The following NXN variants were observed in gnomAD, a reference collection of about 807,000 sequenced individuals.
NXN encodes nucleoredoxin, also known as nucleoredoxin 1.
Under a neutral mutation model 48.6 loss-of-function variants are expected in NXN, and 16 were observed. That is an observed-to-expected ratio of 0.33 (90% CI 0.22 to 0.50). NXN has a LOEUF of 0.50. NXN is among the 20% of genes least tolerant of loss of function. The pLI is 0.98. For missense variants in NXN, 492 were observed against 605.5 expected, an observed-to-expected ratio of 0.81 and a Z score of 1.97; for synonymous variants, 281 against 269.6, an observed-to-expected ratio of 1.04 and a Z score of -0.41.
intron 1 of NXN, among the ~76,000 whole-genome samples, chr17:847,667 G>A (rs987890136): frequency 5.9e-5 from 9 of 151,856 alleles, no homozygotes; most frequent in African/African-American, 1.9e-4. Flanking sequence ...ATATAGAAAC[G>A]GACTGTGGCT....
Position 976,671 on chromosome 17 carries a change from G to C in NXN, c.360+2648C>G, listed in dbSNP as rs951828116. The stretch of plus-strand genomic sequence containing the variant: ...GGGGAAATTAGCATCATTAGCTCAC[G>C]GGCTTCTAAGCACCCTAACTTCAAA... On this transcript the variant is annotated intron_variant, in intron 1 of 7. Transcript: ENST00000336868. Among the ~76,000 whole-genome samples the C allele has an allele frequency of 2.6e-5, 4 of 152,238 alleles. No homozygotes were observed. In the East Asian group the frequency reaches 7.7e-4, roughly 29 times the overall value.
chr17:957,629 C>A (rs2069186945), intron 1 of NXN, among the ~76,000 whole-genome samples: 1 of 119,856 alleles, frequency 8.3e-6, no homozygotes, highest in African/African-American at 3.2e-5. Context: ...AAGACTCCAT[C>A]TCAAAAAAAA....
Position 978,447 on chromosome 17 carries a change from C to T in NXN, c.360+872G>A, listed in dbSNP as rs747649314. On this transcript the variant is annotated intron_variant, in intron 1 of 7. Coordinates refer to ENST00000336868, the MANE Select transcript of NXN (RefSeq NM_022463.5). The surrounding 1 kb of genome is among the most constrained non-coding windows in gnomAD (Gnocchi z 4.1). ...AAAGTATCCATTTCCCCAAATCCTC[C>T]TTCTTCCAGTCAATGTGCATCGATG... is the stretch of plus-strand genomic sequence containing the variant. 2.0e-5 allele frequency: 3 copies of T among 152,414 alleles called. No homozygotes were observed. The highest frequency in any genetic ancestry group is 4.4e-5 in the Non-Finnish European group (3 of 68,170). The allele number at this position is 152,414 out of a possible 1,614,324, so 9.4% of individuals were successfully genotyped here.
intron 1 of NXN, among the ~76,000 whole-genome samples, chr17:938,489 A>G (rs8069404): frequency 0.35 from 53,367 of 151,758 alleles, 9,573 homozygotes; most frequent in African/African-American, 0.41. Flanking sequence ...AGATCAGCCC[A>G]GCCAACATGG....
At chr17:913,667 A>C (rs1245004915) in intron 1 of NXN, among the ~76,000 whole-genome samples, 1 of 147,288 alleles carries the variant, frequency 6.8e-6, no homozygotes. Context: ...ACCTACCCCC[A>C]CGTCCCCAGG....
intron 1 of NXN, among the ~76,000 whole-genome samples, chr17:972,171 A>G (rs1039134160): frequency 6.6e-5 from 10 of 151,892 alleles, no homozygotes; most frequent in East Asian, 1.9e-4. Context: ...GTGGTGGCAC[A>G]TGCGCCTATA....
chr17:821,034 G>A lies in NXN; in HGVS notation c.713+1323C>T, dbSNP rs1597628643. Among the ~76,000 whole-genome samples, 2 of 72,058 alleles carry A rather than the reference G, an allele frequency of 2.8e-5. 1 individual carries two copies. The highest frequency in any genetic ancestry group is 9.0e-4 in the East Asian group (2 of 2,224). The allele number at this position is 72,058 out of a possible 152,430, so 47.3% of individuals were successfully genotyped here. On this transcript the variant is annotated intron_variant, in intron 4 of 7. Transcript: ENST00000336868. ...ACGGGAGCTGTGGCATGGCAGAGAC[G>A]GGGAGCTGCGGCACGGCAGAGACGG...
intron 1 of NXN, among the ~76,000 whole-genome samples, chr17:953,517 G>C (rs1178593191): frequency 6.6e-6 from 1 of 152,222 alleles, no homozygotes; most frequent in Admixed American, 6.5e-5. Context: ...AGGAACAGGA[G>C]AAACATTTTT....
intron 5 of NXN, among the ~76,000 whole-genome samples, chr17:811,378 C>T (rs1400062794): frequency 6.6e-6 from 1 of 152,350 alleles, no homozygotes; most frequent in Non-Finnish European, 1.5e-5. Context: ...CCCTGGCAGC[C>T]GAGGATGACT....
chr17:923,834 C>CA (rs2068771186), intron 1 of NXN, among the ~76,000 whole-genome samples: 1 of 151,984 alleles, frequency 6.6e-6, no homozygotes, highest in African/African-American at 2.4e-5. Flanking sequence ...AAACATCAAG[C>CA]AAGAGTGAAG....
At chr17:957,204 G>A (rs554274052) in intron 1 of NXN, among the ~76,000 whole-genome samples, 73 of 152,136 alleles carry the variant, frequency 4.8e-4, no homozygotes, top group African/African-American at 1.4e-3. Context: ...GCTTGAGAGC[G>A]TCCTCATCCC....
At chr17:967,107 C>T (rs892812545) in intron 1 of NXN, among the ~76,000 whole-genome samples, 23 of 151,792 alleles carry the variant, frequency 1.5e-4, no homozygotes, top group African/African-American at 5.6e-4. Flanking sequence ...TGACAAGCCC[C>T]CCCACAGCCC....
intron 1 of NXN, among the ~76,000 whole-genome samples, chr17:829,109 A>T (rs1008163727): frequency 3.3e-5 from 5 of 151,432 alleles, no homozygotes; most frequent in African/African-American, 4.9e-5. Flanking sequence ...CGCTAGGGGG[A>T]AAAAATGACA....
chr17:844,809 T>TCTTG (rs908577406), intron 1 of NXN, among the ~76,000 whole-genome samples: 1 of 152,054 alleles, frequency 6.6e-6, no homozygotes, highest in Non-Finnish European at 1.5e-5. Context: ...GGTCTCAAGC[T>TCTTG]CTTGACCTTG....
At chr17:840,645 C>T in intron 1 of NXN, among the ~76,000 whole-genome samples, 1 of 152,288 alleles carries the variant, frequency 6.6e-6, no homozygotes, top group South Asian at 2.1e-4. Flanking sequence ...GGCCGGCGTG[C>T]AGACTTCTTA....
At chr17:941,360 G>A (rs1162866468) in intron 1 of NXN, among the ~76,000 whole-genome samples, 1 of 148,316 alleles carries the variant, frequency 6.7e-6, no homozygotes, top group Non-Finnish European at 1.5e-5. Flanking sequence ...TGGATTTACA[G>A]TGAACAAGAT....
chr17:877,200 T>C (rs1396406390), intron 1 of NXN, among the ~76,000 whole-genome samples: 2 of 151,722 alleles, frequency 1.3e-5, no homozygotes, highest in Non-Finnish European at 2.9e-5. Flanking sequence ...CAGGCTGGAG[T>C]GCAGTGGCAT....
intron 1 of NXN, among the ~76,000 whole-genome samples, chr17:923,443 A>T (rs2068767841): frequency 6.6e-6 from 1 of 152,202 alleles, no homozygotes; most frequent in Non-Finnish European, 1.5e-5. Context: ...GGATTGCTTG[A>T]GCAAGTCTAG....
rs930015024 is a variant in NXN, at chr17:932,804, C to T, written c.360+46515G>A. 2.0e-5 allele frequency among the ~76,000 whole-genome samples: 3 copies of T among 152,186 alleles called. No homozygotes were observed. The highest frequency in any genetic ancestry group is 7.2e-5 in the African/African-American group (3 of 41,452). ...CATAAGTCATCTGCGCCCGCCACCA[C>T]GCCAGGCTAATTTTTATATTTTTAG... On this transcript the variant is annotated intron_variant, in intron 1 of 7. Transcript: ENST00000336868. This position sits in a 1 kb window ranked among gnomAD's most constrained non-coding sequence, Gnocchi z 4.1.
Sources: gnomAD v4.1 joint callset for allele counts (sites outside exome capture counted in the v4.1 genomes callset) on GRCh38, gnomAD v4.1.1 for gene constraint, Gnocchi (gnomAD v3.1) non-coding constraint, MANE v1.5 for transcripts, NCBI Gene and HGNC (gene_info 2026-07-23, HGNC 2026-07-21) for gene names.